The following FOCAD variants were observed in gnomAD, a reference collection of about 807,000 sequenced individuals.
FOCAD encodes the protein focadhesin, also known as KIAA1797.
In FOCAD, 198 loss-of-function variants were observed where a neutral mutation model predicts 225.6. That is an observed-to-expected ratio of 0.88 (90% CI 0.78 to 0.99). The LOEUF is 0.99. Ranked by LOEUF, FOCAD falls within the 50% of genes least tolerant of loss-of-function variation. The pLI is 0.00. For missense variants in FOCAD, 2,713 were observed against 2,123.6 expected (o/e 1.28, Z -5.46); for synonymous variants, 897 against 755.0 (o/e 1.19, Z -3.08).
At chr9:20,781,004 T>G (rs748456238) in intron 9 of FOCAD, among the ~76,000 whole-genome samples, 3 of 152,230 alleles carry the variant, frequency 2.0e-5, no homozygotes, top group Non-Finnish European at 4.4e-5. Context: ...AATATTTTGA[T>G]AATTTAACGT....
intron 28 of FOCAD, among the ~76,000 whole-genome samples, chr9:20,937,102 T>G (rs1249984858): frequency 1.3e-5 from 2 of 150,720 alleles, no homozygotes; most frequent in African/African-American, 4.9e-5. Context: ...TGGAAGAACA[T>G]TCCATGCTCA....
intron 35 of FOCAD, among the ~76,000 whole-genome samples, chr9:20,968,038 A>G (rs1316748611): frequency 1.3e-5 from 2 of 152,128 alleles, no homozygotes; most frequent in South Asian, 2.1e-4. Flanking sequence ...ATTGGTGTTA[A>G]TTCTTTAAGT....
intron 35 of FOCAD, among the ~76,000 whole-genome samples, chr9:20,962,775 A>G (rs955288833): frequency 2.0e-5 from 3 of 152,216 alleles, no homozygotes; most frequent in Admixed American, 6.5e-5. Flanking sequence ...CAGGTTTTAC[A>G]ACATCTGGAT....
chr9:20,822,785 A>G lies in FOCAD; in HGVS notation c.1794-204A>G, dbSNP rs550540817. ...AAAAGTGTCTTTTTGGGTTATTTCT[A>G]TATAAAAACGAGCATAAAATTATAG... On this transcript the variant is annotated intron_variant, in intron 14 of 43. Transcript: ENST00000338382. 4.0e-5 allele frequency among the ~76,000 whole-genome samples: 6 copies of G among 150,566 alleles called. No homozygotes were observed. In the South Asian group the frequency reaches 6.3e-4, roughly 16 times the overall value.
At chr9:20,845,154 T>C (rs1228033963) in intron 15 of FOCAD, among the ~76,000 whole-genome samples, 1 of 152,050 alleles carries the variant, frequency 6.6e-6, no homozygotes, top group Non-Finnish European at 1.5e-5. Flanking sequence ...ACTCAATCAG[T>C]TTCTACTTAT....
intron 11 of FOCAD, among the ~76,000 whole-genome samples, chr9:20,803,184 T>G (rs371184736): frequency 4.6e-5 from 7 of 152,228 alleles, no homozygotes; most frequent in African/African-American, 1.4e-4. Context: ...TGCCTTGTTT[T>G]TAGGAAATGA....
At chr9:20,748,917 G>C (rs1426544903) in intron 5 of FOCAD, among the ~76,000 whole-genome samples, 1 of 152,136 alleles carries the variant, frequency 6.6e-6, no homozygotes, top group African/African-American at 2.4e-5. Flanking sequence ...TCTAATTGTA[G>C]ATGTTTAATT....
chr9:20,657,102 G>A (rs567371599), upstream of FOCAD, among the ~76,000 whole-genome samples: 15 of 152,172 alleles, frequency 9.9e-5, no homozygotes, highest in African/African-American at 3.6e-4. Context: ...GTTGAATATT[G>A]GCCCCCACTC....
chr9:20,925,324 A>G (rs188993898), intron 25 of FOCAD, among the ~76,000 whole-genome samples: 3 of 152,200 alleles, frequency 2.0e-5, no homozygotes, highest in East Asian at 3.9e-4. Flanking sequence ...TTGTTGAACT[A>G]CCAGTTATAC....
chr9:20,957,132 T>A (rs1223709455), intron 35 of FOCAD, among the ~76,000 whole-genome samples: 1 of 152,194 alleles, frequency 6.6e-6, no homozygotes, highest in Admixed American at 6.5e-5. Context: ...GGCACGATCA[T>A]GGCTTACTGC....
At chr9:20,796,609 T>A (rs1001272954) in intron 11 of FOCAD, among the ~76,000 whole-genome samples, 1 of 152,228 alleles carries the variant, frequency 6.6e-6, no homozygotes, top group African/African-American at 2.4e-5. Flanking sequence ...TGCATAAATG[T>A]CTTCTTTTGA....
At chr9:20,823,163 T>A (rs1278660906) in intron 15 of FOCAD, 48 bp downstream of exon 15, 1 of 1,563,670 alleles carries the variant, frequency 6.4e-7, no homozygotes, top group Non-Finnish European at 8.7e-7. Context: ...AAATCTTTTA[T>A]AAGGCAGAGT....
chr9:20,874,888 A>G (rs985763380), intron 19 of FOCAD, 81 bp downstream of exon 19: 1 of 1,540,578 alleles, frequency 6.5e-7, no homozygotes, highest in Non-Finnish European at 8.9e-7. Flanking sequence ...TGATAGGTAC[A>G]TAGTATAGTT....
chr9:20,948,163 C>A, intron 30 of FOCAD, 108 bp from the exon 31 acceptor site: 1 of 1,058,014 alleles, frequency 9.5e-7, no homozygotes, highest in Non-Finnish European at 1.3e-6. Context: ...TACAGCTTGT[C>A]ATTAGGAAAG....
chr9:20,987,844 G>T (rs1264720535), intron 40 of FOCAD, among the ~76,000 whole-genome samples: 1 of 152,098 alleles, frequency 6.6e-6, no homozygotes, highest in Non-Finnish European at 1.5e-5. Context: ...AATTAAAAGG[G>T]AAAAAAGTCA....
intron 3 of FOCAD, among the ~76,000 whole-genome samples, chr9:20,720,159 T>C (rs1436585390): frequency 1.3e-5 from 2 of 152,180 alleles, no homozygotes; most frequent in Admixed American, 6.5e-5. Flanking sequence ...TTTATAGCCA[T>C]GATACCAGGT....
chr9:20,781,598 C>T lies in FOCAD; in HGVS notation c.995-129C>T. ...TCCTTTTAGGATAAGATTTATCAACCTAGTTATGTGTCTGACCCAGTTATA... is the reference window on the plus strand; with the variant it reads ...TCCTTTTAGGATAAGATTTATCAACTTAGTTATGTGTCTGACCCAGTTATA... On this transcript the variant is annotated intron_variant, in intron 9 of 43. Transcript: ENST00000338382. The T allele has an allele frequency of 4.4e-6, 3 of 674,710 alleles. No homozygotes were observed. The South Asian group carries it at 5.4e-5, about 12-fold the overall frequency. 41.8% of individuals were successfully genotyped at this position (674,710 alleles called of 1,614,324 possible). A position where few individuals can be genotyped will look rare whatever the true frequency, so the allele number is the denominator to read the frequency against.
In FOCAD at chr9:20,844,313, A is replaced by G. The variant is rs925440777; in HGVS notation, c.1921-18265A>G. Among the ~76,000 whole-genome samples, 4 of 149,820 alleles carry G rather than the reference A, an allele frequency of 2.7e-5. 1 individual carries two copies. The highest frequency in any genetic ancestry group is 5.9e-5 in the Non-Finnish European group (4 of 67,580). On this transcript the variant is annotated intron_variant, in intron 15 of 43. Coordinates refer to ENST00000338382, the MANE Select transcript of FOCAD (RefSeq NM_001375567.1). ...TTAGATGTTAGAGCTGTAATGAGAT[A>G]AAGGGCAGACATGGTTCTAACCCTC... is the stretch of plus-strand genomic sequence containing the variant.
intron 5 of FOCAD, among the ~76,000 whole-genome samples, chr9:20,752,748 G>A (rs1388506819): frequency 6.6e-6 from 1 of 152,124 alleles, no homozygotes; most frequent in Admixed American, 6.5e-5. Flanking sequence ...ATTACCTTGG[G>A]CAGTATGGCC....
Sources: allele counts gnomAD v4.1 joint callset (sites outside exome capture counted in the v4.1 genomes callset), GRCh38; gene constraint gnomAD v4.1.1; transcripts MANE v1.5; gene names NCBI Gene and HGNC (gene_info 2026-07-23, HGNC 2026-07-21).